The following RCAN1 variants were observed in gnomAD, a reference collection of about 807,000 sequenced individuals.
The protein encoded by RCAN1 is regulator of calcineurin 1, also known as calcipressin-1.
RCAN1 carries 11 observed loss-of-function variants against 22.9 expected under a neutral mutation model. That is an observed-to-expected ratio of 0.48 (90% confidence interval 0.30 to 0.79). The LOEUF (loss-of-function observed/expected upper bound fraction) is 0.79, where lower values mean the gene tolerates loss of function less well. Among genes scored for constraint, RCAN1 ranks in the 30% least tolerant of loss-of-function variants. RCAN1 has a pLI of 0.06. For synonymous variants in RCAN1, 136 were observed against 142.3 expected, an observed-to-expected ratio of 0.96 and a Z score of 0.32; for missense variants, 291 against 337.8, an observed-to-expected ratio of 0.86 and a Z score of 1.09.
At chr21:34,582,459 G>C (rs1291125750) in intron 1 of RCAN1, among the ~76,000 whole-genome samples, 2 of 152,146 alleles carry the variant, frequency 1.3e-5, no homozygotes, top group Non-Finnish European at 2.9e-5. Flanking sequence ...CCTGGGAGGA[G>C]TGAGGGAGTA....
chr21:34,605,916 T>G (rs1988508910), intron 1 of RCAN1, among the ~76,000 whole-genome samples: 1 of 64,824 alleles, frequency 1.5e-5, no homozygotes, highest in East Asian at 8.8e-4. Flanking sequence ...CAAGACTCGG[T>G]CTCAGAAAAA....
intron 1 of RCAN1, among the ~76,000 whole-genome samples, chr21:34,596,659 C>T (rs1183385850): frequency 3.9e-5 from 6 of 152,224 alleles, no homozygotes; most frequent in Admixed American, 6.5e-5. Context: ...TTTAGAAGCA[C>T]TGGAAAATAC....
intron 1 of RCAN1, among the ~76,000 whole-genome samples, chr21:34,555,765 A>T (rs1220963637): frequency 3.3e-5 from 5 of 151,788 alleles, no homozygotes; most frequent in African/African-American, 4.8e-5. Flanking sequence ...AGGTATTTTT[A>T]AAAAAATAAA....
At chr21:34,526,812 TC>T (rs1409159971) in intron 1 of RCAN1, 4 of 1,557,718 alleles carry the variant, frequency 2.6e-6, no homozygotes, top group Admixed American at 2.0e-5. Flanking sequence ...GAGATTCCTT[TC>T]CAAGAGGCTG....
chr21:34,526,725 T>C (rs570681761), intron 1 of RCAN1: 5 of 1,613,662 alleles, frequency 3.1e-6, no homozygotes, highest in African/African-American at 1.3e-5. Flanking sequence ...GAGCTAAAAC[T>C]GTAGTTAAAG....
At chr21:34,525,696 TC>T (rs1273692301) in intron 1 of RCAN1, 1 of 215,588 alleles carries the variant, frequency 4.6e-6, no homozygotes, top group African/African-American at 2.3e-5. Context: ...TCTTATTTGT[TC>T]TAATAACTGA....
chr21:34,526,017 A>G (rs1383455094), intron 1 of RCAN1, among the ~76,000 whole-genome samples: 1 of 152,240 alleles, frequency 6.6e-6, no homozygotes, highest in Non-Finnish European at 1.5e-5. Flanking sequence ...ATTCCTATAC[A>G]GTATTATTAA....
At chr21:34,588,179 T>C (rs1045779616) in intron 1 of RCAN1, among the ~76,000 whole-genome samples, 8 of 152,188 alleles carry the variant, frequency 5.3e-5, no homozygotes, top group Non-Finnish European at 1.2e-4. Flanking sequence ...AAACATAATG[T>C]TGAACAAAAG....
At chr21:34,542,642 G>A (rs1218400381) in intron 1 of RCAN1, among the ~76,000 whole-genome samples, 3 of 152,204 alleles carry the variant, frequency 2.0e-5, no homozygotes, top group Non-Finnish European at 4.4e-5. Flanking sequence ...GATGACTATT[G>A]TTATTTACAG....
At chr21:34,557,643 A>T (rs1276285797) in intron 1 of RCAN1, among the ~76,000 whole-genome samples, 1 of 152,202 alleles carries the variant, frequency 6.6e-6, no homozygotes, top group Non-Finnish European at 1.5e-5. Flanking sequence ...ATTTGAGACA[A>T]TTTTTTAAAA....
At chr21:34,543,821 G>A (rs1201272480) in intron 1 of RCAN1, among the ~76,000 whole-genome samples, 1 of 152,226 alleles carries the variant, frequency 6.6e-6, no homozygotes, top group Non-Finnish European at 1.5e-5. Context: ...AACCCTGGCT[G>A]CAGTCCTTAC....
intron 1 of RCAN1, among the ~76,000 whole-genome samples, chr21:34,574,711 A>G (rs917835433): frequency 2.0e-5 from 3 of 152,282 alleles, no homozygotes; most frequent in Non-Finnish European, 4.4e-5. Flanking sequence ...GTAAAACGTG[A>G]CATGAAATGA....
At chr21:34,541,707 G>A (rs1351630004) in intron 1 of RCAN1, among the ~76,000 whole-genome samples, 1 of 152,188 alleles carries the variant, frequency 6.6e-6, no homozygotes, top group Non-Finnish European at 1.5e-5. Context: ...GGCCGAGGTG[G>A]GTGGATCACA....
chr21:34,602,084 CTAAA>C (rs1307069843), intron 1 of RCAN1, among the ~76,000 whole-genome samples: 2 of 152,162 alleles, frequency 1.3e-5, no homozygotes, highest in East Asian at 1.9e-4. Context: ...TTCATAAAGA[CTAAA>C]TAAATATTTT....
chr21:34,605,233 C>A (rs543813117), intron 1 of RCAN1, among the ~76,000 whole-genome samples: 99 of 152,318 alleles, frequency 6.5e-4, no homozygotes, highest in African/African-American at 2.3e-3. Context: ...ACTGGCTTAG[C>A]CTCTCAGCCT....
chr21:34,588,274 G>A (rs1346785389), intron 1 of RCAN1, among the ~76,000 whole-genome samples: 2 of 152,114 alleles, frequency 1.3e-5, no homozygotes, highest in African/African-American at 4.8e-5. Context: ...ATGGAGGTCA[G>A]CATGGTGGGT....
At chr21:34,529,570 T>C (rs770122009) in intron 1 of RCAN1, among the ~76,000 whole-genome samples, 12 of 152,246 alleles carry the variant, frequency 7.9e-5, no homozygotes, top group Non-Finnish European at 1.2e-4. Flanking sequence ...GAATTTACTT[T>C]ATAAATAGTG....
At chr21:34,520,895 C>T (rs990839600) in intron 3 of RCAN1, among the ~76,000 whole-genome samples, 2 of 152,224 alleles carry the variant, frequency 1.3e-5, no homozygotes, top group Admixed American at 1.3e-4. Context: ...AACCTACCCC[C>T]TCCCCGCAGT....
chr21:34,563,767 A>ACC (rs1568911189), intron 1 of RCAN1, among the ~76,000 whole-genome samples: 6 of 99,412 alleles, frequency 6.0e-5, no homozygotes, highest in South Asian at 3.6e-4. Flanking sequence ...AAAAAAAAAA[A>ACC]AAAATATATA....
Sources: gnomAD v4.1 joint callset for allele counts (sites outside exome capture counted in the v4.1 genomes callset) on GRCh38, gnomAD v4.1.1 for gene constraint, MANE v1.5 for transcripts, NCBI Gene and HGNC (gene_info 2026-07-23, HGNC 2026-07-21) for gene names.